The following DNAJC17 variants were observed in gnomAD, a reference collection of about 807,000 sequenced individuals.
DNAJC17 encodes dnaJ homolog subfamily C member 17.
A neutral mutation model predicts 48.1 loss-of-function variants in DNAJC17; 35 were observed. That is an observed-to-expected ratio of 0.73 (90% CI 0.56 to 0.96). The LOEUF (loss-of-function observed/expected upper bound fraction) is 0.96, where lower values mean the gene tolerates loss of function less well. Among genes scored for constraint, DNAJC17 ranks in the 50% least tolerant of loss-of-function variants. DNAJC17 has a pLI of 0.00. For synonymous variants in DNAJC17, 117 were observed against 142.7 expected (o/e 0.82, Z 1.28); for missense variants, 355 against 377.1 (o/e 0.94, Z 0.48).
At position 40,767,099 on chromosome 15, in the gene DNAJC17, G is replaced by A. The variant is rs375110862; in HGVS notation, c.*841C>T. On this transcript the variant is annotated 3_prime_UTR_variant, in exon 11 of 11. Coordinates refer to ENST00000220496, the MANE Select transcript of DNAJC17 (RefSeq NM_018163.3). Reference sequence around the variant, plus strand: ...GCAGGGGGCGTGCACTTACCCCAGCGCCCAGCAAGCAGCCAGCAAGTGTGA... The same window carrying A: ...GCAGGGGGCGTGCACTTACCCCAGCACCCAGCAAGCAGCCAGCAAGTGTGA... 1.9e-5 allele frequency: 18 copies of A among 957,324 alleles called. No individual in the cohort carries two copies. Among genetic ancestry groups the A allele is most frequent in the Middle Eastern group, 2.3e-4 (1 of 4,374 alleles). 59.3% of individuals were successfully genotyped at this position (957,324 alleles called of 1,614,324 possible). A position where few individuals can be genotyped will look rare whatever the true frequency, so the allele number is the denominator to read the frequency against.
At chr15:40,780,551 C>T (rs1437417553) in intron 1 of DNAJC17, 5 of 359,546 alleles carry the variant, frequency 1.4e-5, no homozygotes, top group East Asian at 7.4e-5. Flanking sequence ...CGGTGGCTCA[C>T]GCCTGTCATC....
Position 40,769,895 on chromosome 15 carries a change from G to C in DNAJC17, c.793-1833C>G, listed in dbSNP as rs1281687219. 6.5e-6 allele frequency: 1 copy of C among 153,322 alleles called. No homozygotes were observed. Among genetic ancestry groups the C allele is most frequent in the African/African-American group, 2.4e-5 (1 of 41,444 alleles). 9.5% of individuals were successfully genotyped at this position (153,322 alleles called of 1,614,324 possible). ...AGCTGCCCCATCCCTGCACGCGGAT[G>C]CTGCAATTACCCAAGAGCACGAAAC... On this transcript the variant is annotated intron_variant, in intron 10 of 10. Transcript: ENST00000220496. This position sits in a 1 kb window ranked among gnomAD's most constrained non-coding sequence, Gnocchi z 4.2.
chr15:40,788,442 AT>A (rs1416294719), intron 1 of DNAJC17, among the ~76,000 whole-genome samples: 1 of 152,180 alleles, frequency 6.6e-6, no homozygotes, highest in Non-Finnish European at 1.5e-5. Flanking sequence ...CACGCCTGTA[AT>A]CCCAGCACTT....
chr15:40,802,518 G>C (rs1214045958), intron 1 of DNAJC17, among the ~76,000 whole-genome samples: 1 of 152,126 alleles, frequency 6.6e-6, no homozygotes, highest in Non-Finnish European at 1.5e-5. Flanking sequence ...TCCACATGGA[G>C]GGATCAAACA....
intron 1 of DNAJC17, chr15:40,807,066 G>T: frequency 1.6e-6 from 1 of 617,750 alleles, no homozygotes; most frequent in Non-Finnish European, 2.8e-6. Context: ...GGCCGAGACT[G>T]CGCAGGCGCA....
intron 2 of DNAJC17, 61 bp downstream of exon 2, chr15:40,779,866 CG>C (rs1188240337): frequency 1.3e-6 from 2 of 1,555,014 alleles, no homozygotes; most frequent in Non-Finnish European, 1.8e-6. Flanking sequence ...GAGCTTACAT[CG>C]GGAAACACAA....
chr15:40,778,768 C>T (rs1233983533), intron 4 of DNAJC17, among the ~76,000 whole-genome samples: 2 of 152,190 alleles, frequency 1.3e-5, no homozygotes, highest in African/African-American at 4.8e-5. Flanking sequence ...AACTCCATCT[C>T]TAAAAAAACG....
intron 1 of DNAJC17, 100 bp downstream of exon 1, chr15:40,807,269 C>T (rs1367944786): frequency 6.2e-7 from 1 of 1,604,858 alleles, no homozygotes; most frequent in Non-Finnish European, 8.5e-7. Flanking sequence ...GCCCAGGACC[C>T]GAATGAACCT....
chr15:40,772,326 G>A (rs1889172317), intron 10 of DNAJC17: 1 of 167,178 alleles, frequency 6.0e-6, no homozygotes, highest in South Asian at 2.1e-4. Context: ...AGTAGCAAAG[G>A]GGAGAGGGAA....
chr15:40,772,420 C>T (rs1889175774), intron 10 of DNAJC17: 1 of 167,138 alleles, frequency 6.0e-6, no homozygotes, highest in African/African-American at 2.4e-5. Flanking sequence ...GCTGTGGATA[C>T]AGGAGAGAAT....
chr15:40,802,230 G>C (rs1890095043), intron 1 of DNAJC17, among the ~76,000 whole-genome samples: 1 of 150,938 alleles, frequency 6.6e-6, no homozygotes, highest in Non-Finnish European at 1.5e-5. Context: ...GAGTGCAGTG[G>C]CTTGATCTCA....
At chr15:40,773,109 C>T (rs1280029972) in intron 10 of DNAJC17, among the ~76,000 whole-genome samples, 6 of 152,230 alleles carry the variant, frequency 3.9e-5, no homozygotes, top group Middle Eastern at 3.4e-3. Context: ...TACAGGTGCG[C>T]ACCATCATGC....
intron 1 of DNAJC17, among the ~76,000 whole-genome samples, chr15:40,806,318 C>T (rs1207732018): frequency 6.7e-6 from 1 of 149,900 alleles, no homozygotes; most frequent in Non-Finnish European, 1.5e-5. Flanking sequence ...TCCCGGGTTC[C>T]AGTGATTCTC....
chr15:40,801,173 G>T (rs1215074950), intron 1 of DNAJC17, among the ~76,000 whole-genome samples: 1 of 152,170 alleles, frequency 6.6e-6, no homozygotes, highest in African/African-American at 2.4e-5. Flanking sequence ...CCAGTCACCA[G>T]GTAAGGGGCT....
intron 1 of DNAJC17, among the ~76,000 whole-genome samples, chr15:40,804,218 C>A (rs1890147712): frequency 6.6e-6 from 1 of 152,022 alleles, no homozygotes; most frequent in South Asian, 2.1e-4. Flanking sequence ...GTTCCTTCCA[C>A]CTTGGCCTCC....
At position 40,769,213 on chromosome 15, in the gene DNAJC17, G is replaced by A. The variant is rs773544450; in HGVS notation, c.793-1151C>T. 6.6e-6 allele frequency among the ~76,000 whole-genome samples: 1 copy of A among 152,192 alleles called. No individual in the cohort carries two copies. Among genetic ancestry groups the A allele is most frequent in the South Asian group, 2.1e-4 (1 of 4,826 alleles). On this transcript the variant is annotated intron_variant, in intron 10 of 10. Transcript: ENST00000220496. This position sits in a 1 kb window ranked among gnomAD's most constrained non-coding sequence, Gnocchi z 4.2. ...GACTGCTAAGCCTGGCCCAGAGCAC[G>A]GCTGACAATTCACGGCAGCCTCCCT...
Position 40,770,492 on chromosome 15 carries a change from C to T in DNAJC17, c.793-2430G>A, listed in dbSNP as rs868172415. ...ACACCTGTCTGCTGGCTCCCCTGGG[C>T]CCCATGGAGACCTGGCGGAAAGGCT... On this transcript the variant is annotated intron_variant, in intron 10 of 10. Transcript: ENST00000220496. The surrounding 1 kb of genome is among the most constrained non-coding windows in gnomAD (Gnocchi z 5.0). The T allele has an allele frequency of 1.9e-6, 3 of 1,547,078 alleles. No individual in the cohort carries two copies. The highest frequency in any genetic ancestry group is 3.6e-4 in the Middle Eastern group (2 of 5,498).
intron 10 of DNAJC17, chr15:40,771,205 A>T: frequency 1.5e-6 from 1 of 646,716 alleles, no homozygotes; most frequent in South Asian, 2.1e-5. Context: ...GGTCCTGGAC[A>T]GTCCTTCCAG....
chr15:40,802,168 ATTT>A (rs759016627), intron 1 of DNAJC17, among the ~76,000 whole-genome samples: 7 of 133,996 alleles, frequency 5.2e-5, no homozygotes, highest in African/African-American at 1.1e-4. Context: ...AAAGAGTTCA[ATTT>A]TTTTTTTTTT....
Sources: gnomAD v4.1 joint callset for allele counts (sites outside exome capture counted in the v4.1 genomes callset) on GRCh38, gnomAD v4.1.1 for gene constraint, Gnocchi (gnomAD v3.1) non-coding constraint, MANE v1.5 for transcripts, NCBI Gene and HGNC (gene_info 2026-07-23, HGNC 2026-07-21) for gene names.